The following CDNF variants were observed in gnomAD, a reference collection of about 807,000 sequenced individuals.
CDNF encodes ARMET-like protein 1.
In CDNF, 9 loss-of-function variants were observed where a neutral mutation model predicts 14.8. The observed-to-expected ratio is 0.61, with a 90% CI of 0.37 to 1.06. The LOEUF is 1.06. CDNF is among the 50% of genes least tolerant of loss of function. CDNF has a pLI of 0.01. For synonymous variants in CDNF, 86 were observed against 87.2 expected, an observed-to-expected ratio of 0.99 and a Z score of 0.07; for missense variants, 228 against 228.4, an observed-to-expected ratio of 1.00 and a Z score of 0.01.
At chr10:14,826,031 G>GAAGGAGAAGGAGAAGAA (rs1833779609) in intron 2 of CDNF, among the ~76,000 whole-genome samples, 1 of 35,020 alleles carries the variant, frequency 2.9e-5, no homozygotes, top group African/African-American at 9.2e-5. Flanking sequence ...AGAAGAAGGA[G>GAAGGAGAAGGAGAAGAA]AAGAAGAAGA....
At chr10:14,826,023 A>AAGGAGAAGG (rs1564313238) in intron 2 of CDNF, among the ~76,000 whole-genome samples, 37 of 115,908 alleles carry the variant, frequency 3.2e-4, no homozygotes, top group African/African-American at 1.4e-3. Flanking sequence ...GCAGAAGAAG[A>AAGGAGAAGG]AGAAGGAGAA....
In CDNF at chr10:14,819,783, T is replaced by A; in HGVS notation, c.*197A>T. The stretch of plus-strand genomic sequence containing the variant: ...TGAGAAAGGAACTTTTAGCTTTTGG[T>A]ACACTGCAAATGTAAGTTATCAGTA... On this transcript the variant is annotated 3_prime_UTR_variant, in exon 4 of 4. Coordinates refer to ENST00000465530, the MANE Select transcript of CDNF (RefSeq NM_001029954.3). 1 of 499,358 alleles carries A rather than the reference T, an allele frequency of 2.0e-6. No individual in the cohort carries two copies. Among genetic ancestry groups the A allele is most frequent in the Non-Finnish European group, 3.5e-6 (1 of 289,002 alleles). 30.9% of individuals were successfully genotyped at this position (499,358 alleles called of 1,614,324 possible).
rs1564313299 is a variant in CDNF, at chr10:14,826,037, GAAGA to G, written c.244-421_244-418del. 2.0e-4 allele frequency among the ~76,000 whole-genome samples: 15 copies of G among 75,006 alleles called. 1 individual carries two copies. Among genetic ancestry groups the G allele is most frequent in the Middle Eastern group, 6.6e-3 (1 of 152 alleles). 49.2% of individuals were successfully genotyped at this position (75,006 alleles called of 152,430 possible). The stretch of plus-strand genomic sequence containing the variant: ...AGCAGAAGAAGAAGAAGGAGAAGAA[GAAGA>G]AGAAGAAGAAGAAGAAGAAGAAGAA... On this transcript the variant is annotated intron_variant, in intron 2 of 3. Coordinates refer to ENST00000465530, the MANE Select transcript of CDNF (RefSeq NM_001029954.3).
chr10:14,832,852 C>CTTTTTTTTTTTTTT (rs918887413), intron 1 of CDNF, among the ~76,000 whole-genome samples: 14 of 80,496 alleles, frequency 1.7e-4, no homozygotes, highest in South Asian at 5.3e-4. Flanking sequence ...TCTTTTTTTG[C>CTTTTTTTTTTTTTT]TTTTTTTTTT....
At chr10:14,832,852 C>CTTTTTTTTTT (rs918887413) in intron 1 of CDNF, among the ~76,000 whole-genome samples, 46 of 80,498 alleles carry the variant, frequency 5.7e-4, no homozygotes, top group Admixed American at 9.5e-4. Context: ...TCTTTTTTTG[C>CTTTTTTTTTT]TTTTTTTTTT....
intron 3 of CDNF, among the ~76,000 whole-genome samples, chr10:14,824,882 GT>G (rs1241986186): frequency 1.3e-5 from 2 of 152,114 alleles, no homozygotes; most frequent in East Asian, 3.9e-4. Context: ...CTCTCTATAT[GT>G]TGAGATTTTC....
intron 1 of CDNF, among the ~76,000 whole-genome samples, chr10:14,828,762 T>A (rs560415118): frequency 6.6e-4 from 101 of 152,102 alleles, no homozygotes; most frequent in African/African-American, 2.3e-3. Flanking sequence ...TCCCAGCACT[T>A]TGGGAGGCAG....
At position 14,827,052 on chromosome 10, in the gene CDNF, CAAAAA is replaced by C. The variant is rs34308438; in HGVS notation, c.243+1088_243+1092del. Among the ~76,000 whole-genome samples the C allele has an allele frequency of 1.6e-4, 12 of 74,648 alleles. No individual in the cohort carries two copies. In the East Asian group the frequency reaches 5.0e-3, roughly 31 times the overall value. 49.0% of individuals were successfully genotyped at this position (74,648 alleles called of 152,430 possible). A position where few individuals can be genotyped will look rare whatever the true frequency, so the allele number is the denominator to read the frequency against. ...GCTACAAGGCCAAACCCCGTCTCTA[CAAAAA>C]AAAAAAAAAAAAAAAAAAAATCCAA... On this transcript the variant is annotated intron_variant, in intron 2 of 3. Transcript: ENST00000465530.
chr10:14,825,161 T>C (rs1833768947), intron 3 of CDNF, among the ~76,000 whole-genome samples: 4 of 246 alleles, frequency 0.016, no homozygotes, highest in Non-Finnish European at 0.028. Flanking sequence ...TTTACCATAT[T>C]GGCCAGGCTG....
intron 1 of CDNF, among the ~76,000 whole-genome samples, chr10:14,833,740 G>A (rs1484776356): frequency 6.6e-6 from 1 of 152,016 alleles, no homozygotes; most frequent in Non-Finnish European, 1.5e-5. Flanking sequence ...AAAGTAAGGA[G>A]AGACGGAAAA....
At chr10:14,827,052 C>CAAAAAAA (rs34308438) in intron 2 of CDNF, among the ~76,000 whole-genome samples, 2 of 74,638 alleles carry the variant, frequency 2.7e-5, no homozygotes, top group African/African-American at 4.9e-5. Flanking sequence ...CCCGTCTCTA[C>CAAAAAAA]AAAAAAAAAA....
At position 14,828,363 on chromosome 10, in the gene CDNF, A is replaced by G. The variant is rs533101234; in HGVS notation, c.116-91T>C. On this transcript the variant is annotated intron_variant, in intron 1 of 3. Transcript: ENST00000465530. ...CCACTAACCACATTTAAAAGTCTATATGGGGCTGGGCATGGTGGCTTACCC... is the reference window on the plus strand; with the variant it reads ...CCACTAACCACATTTAAAAGTCTATGTGGGGCTGGGCATGGTGGCTTACCC... The G allele has an allele frequency of 6.9e-6, 9 of 1,309,026 alleles. No homozygotes were observed. The African/African-American group carries it at 1.3e-4, about 19-fold the overall frequency. 81.1% of individuals were successfully genotyped at this position (1,309,026 alleles called of 1,614,324 possible). A position where few individuals can be genotyped will look rare whatever the true frequency, so the allele number is the denominator to read the frequency against.
At chr10:14,826,086 A>G (rs1231760636) in intron 2 of CDNF, among the ~76,000 whole-genome samples, 2 of 136,040 alleles carry the variant, frequency 1.5e-5, no homozygotes, top group Admixed American at 7.5e-5. Flanking sequence ...GAAGAAGAAG[A>G]AGAAGAAGAA....
chr10:14,826,488 G>A (rs1447046586), intron 2 of CDNF, among the ~76,000 whole-genome samples: 8 of 151,456 alleles, frequency 5.3e-5, no homozygotes, highest in African/African-American at 1.9e-4. Flanking sequence ...AGAAAAAGAA[G>A]AAGAAGAAGA....
At chr10:14,826,040 GAA>G (rs1833780360) in intron 2 of CDNF, among the ~76,000 whole-genome samples, 2 of 95,966 alleles carry the variant, frequency 2.1e-5, no homozygotes, top group Non-Finnish European at 4.3e-5. Context: ...AGAAGAAGAA[GAA>G]GAAGAAGAAG....
intron 3 of CDNF, among the ~76,000 whole-genome samples, chr10:14,823,268 G>A (rs991647864): frequency 2.6e-5 from 4 of 152,136 alleles, no homozygotes; most frequent in African/African-American, 9.7e-5. Context: ...TTTAAAAAGA[G>A]GAAAACCTCT....
chr10:14,835,828 G>T (rs967846904), intron 1 of CDNF, among the ~76,000 whole-genome samples: 1 of 152,158 alleles, frequency 6.6e-6, no homozygotes, highest in African/African-American at 2.4e-5. Flanking sequence ...GAAGAGTTAA[G>T]CAATTTGAAT....
At chr10:14,837,716 C>T (rs1276398225) in intron 1 of CDNF, 116 bp downstream of exon 1, 1 of 627,670 alleles carries the variant, frequency 1.6e-6, no homozygotes, top group Non-Finnish European at 2.8e-6. Flanking sequence ...AGGGACAGGG[C>T]CTGCATTTCC....
Position 14,819,835 on chromosome 10 carries a change from T to A in CDNF, c.*145A>T, listed in dbSNP as rs1299165523. On this transcript the variant is annotated 3_prime_UTR_variant, in exon 4 of 4. Coordinates refer to ENST00000465530, the MANE Select transcript of CDNF (RefSeq NM_001029954.3). ...TATTAGTTTCACTCATAAACCCACGTAACAAAATTCTGAGGAATAATACCA... is the reference window on the plus strand; with the variant it reads ...TATTAGTTTCACTCATAAACCCACGAAACAAAATTCTGAGGAATAATACCA... 1.3e-6 allele frequency: 1 copy of A among 786,866 alleles called. No individual in the cohort carries two copies. The highest frequency in any genetic ancestry group is 2.0e-6 in the Non-Finnish European group (1 of 496,130). 48.7% of individuals were successfully genotyped at this position (786,866 alleles called of 1,614,324 possible). A position where few individuals can be genotyped will look rare whatever the true frequency, so the allele number is the denominator to read the frequency against.
Sources: allele counts gnomAD v4.1 joint callset (sites outside exome capture counted in the v4.1 genomes callset), GRCh38; gene constraint gnomAD v4.1.1; transcripts MANE v1.5; gene names NCBI Gene and HGNC (gene_info 2026-07-23, HGNC 2026-07-21).